Variants in GLG1 observed in about 807,000 individuals in gnomAD.
GLG1 encodes the protein Golgi apparatus protein 1.
A neutral mutation model predicts 160.5 loss-of-function variants in GLG1; 38 were observed. The ratio of observed to expected loss-of-function variants is 0.24; its 90% confidence interval spans 0.18 to 0.31. The LOEUF (loss-of-function observed/expected upper bound fraction) is 0.31. Among genes scored for constraint, GLG1 ranks in the 10% least tolerant of loss-of-function variants. The pLI is 1.00. For synonymous variants in GLG1, 644 were observed against 543.4 expected (o/e 1.19, Z -2.57); for missense variants, 1,373 against 1,505.2 (o/e 0.91, Z 1.45).
rs77131022 is a variant in GLG1 at position 74,601,016 on chromosome 16, G to C, written c.438+5641C>G. 7.7e-3 allele frequency among the ~76,000 whole-genome samples: 1,171 copies of C among 152,196 alleles called. 19 individuals are homozygous for C. Among genetic ancestry groups the C allele is most frequent in the African/African-American group, 0.027 (1,126 of 41,524 alleles). ...TATAATAGAAGATCAATAATGACTT[G>C]ATTATGTGGTTAGATTGCTTCCAAC... On this transcript the variant is annotated intron_variant, in intron 1 of 25. Transcript: ENST00000422840.
Position 74,462,169 on chromosome 16 carries a change from C to G in GLG1, c.2961G>C (p.Gln987His). Residue 987 changes from glutamine to histidine, a missense_variant, in exon 22 of 26, where the codon CAG becomes CAC. Physicochemically the swap from Gln to His is conservative, Grantham distance 24. Transcript: ENST00000422840. ...CGGACTCCTGGATAATGATTCGGAT[C>G]TGGTCTTCACAGTCTGAAGACAGGC... ...DQRLSSDCEDQIRIIIQESAL... is the reference protein window; with the variant it reads ...DQRLSSDCEDHIRIIIQESAL... 1 of 1,605,538 alleles carries G rather than the reference C, an allele frequency of 6.2e-7. No individual in the cohort carries two copies. The highest frequency in any genetic ancestry group is 1.7e-4 in the Middle Eastern group (1 of 6,050).
At chr16:74,538,858 G>C (rs1401448551) in intron 1 of GLG1, among the ~76,000 whole-genome samples, 3 of 149,646 alleles carry the variant, frequency 2.0e-5, no homozygotes, top group Non-Finnish European at 4.4e-5. Flanking sequence ...TTTTAAAGAA[G>C]GAAAAAAGCA....
intron 1 of GLG1, among the ~76,000 whole-genome samples, chr16:74,605,950 G>A (rs1044687438): frequency 1.3e-5 from 2 of 152,074 alleles, no homozygotes; most frequent in Non-Finnish European, 2.9e-5. Flanking sequence ...TCACTCAACT[G>A]AATCACACCA....
intron 1 of GLG1, among the ~76,000 whole-genome samples, chr16:74,579,594 C>A (rs542563428): frequency 1.3e-5 from 2 of 151,904 alleles, no homozygotes; most frequent in African/African-American, 4.8e-5. Context: ...TAGTGGCACA[C>A]ACCTGTAGTC....
At chr16:74,562,900 A>G (rs2018547842) in intron 1 of GLG1, among the ~76,000 whole-genome samples, 1 of 152,180 alleles carries the variant, frequency 6.6e-6, no homozygotes, top group Non-Finnish European at 1.5e-5. Context: ...CAATGAAGCA[A>G]AACTCTGGGG....
intron 7 of GLG1, among the ~76,000 whole-genome samples, chr16:74,492,716 G>A (rs1232265288): frequency 1.3e-5 from 2 of 151,898 alleles, no homozygotes; most frequent in African/African-American, 4.8e-5. Flanking sequence ...CTACTTGGGA[G>A]GCTGAGGCAG....
intron 2 of GLG1, among the ~76,000 whole-genome samples, chr16:74,526,129 C>T (rs1251546564): frequency 6.6e-6 from 1 of 152,146 alleles, no homozygotes; most frequent in African/African-American, 2.4e-5. Flanking sequence ...ATATAAGTAA[C>T]AAACAGTTTT....
intron 2 of GLG1, among the ~76,000 whole-genome samples, chr16:74,510,803 G>T (rs1173523193): frequency 1.3e-5 from 2 of 152,190 alleles, no homozygotes; most frequent in African/African-American, 2.4e-5. Context: ...ACAGTCAATG[G>T]CAGGGAGTAT....
rs958097184 is a variant in GLG1, at chr16:74,450,964, T to C, written c.*2203A>G. Reference sequence around the variant, plus strand: ...AGAAAGAACAGAAATATCAACACAATTAGAACTATAAGGGTGTTTACGCAT... The same window carrying C: ...AGAAAGAACAGAAATATCAACACAACTAGAACTATAAGGGTGTTTACGCAT... On this transcript the variant is annotated 3_prime_UTR_variant, in exon 26 of 26. Coordinates refer to ENST00000422840, the MANE Select transcript of GLG1 (RefSeq NM_001145667.2). 1 of 151,902 alleles carries C rather than the reference T, an allele frequency of 6.6e-6. No homozygotes were observed. Among genetic ancestry groups the C allele is most frequent in the Non-Finnish European group, 1.5e-5 (1 of 67,994 alleles). The allele number at this position is 151,902 out of a possible 1,614,324, so 9.4% of individuals were successfully genotyped here.
intron 1 of GLG1, among the ~76,000 whole-genome samples, chr16:74,569,221 C>T (rs1032159741): frequency 4.5e-4 from 69 of 152,296 alleles, no homozygotes; most frequent in Non-Finnish European, 7.2e-4. Context: ...CAGAAAACCT[C>T]GAACTGTGAG....
chr16:74,466,882 G>C (rs1027354442), intron 18 of GLG1, among the ~76,000 whole-genome samples: 1 of 152,190 alleles, frequency 6.6e-6, no homozygotes, highest in Non-Finnish European at 1.5e-5. Flanking sequence ...AAGAGACATG[G>C]AAGACGGACT....
At position 74,479,120 on chromosome 16, in the gene GLG1, G is replaced by C. The variant is rs372060327; in HGVS notation, c.1827+1121C>G. 4.5e-5 allele frequency among the ~76,000 whole-genome samples: 6 copies of C among 134,038 alleles called. No individual in the cohort carries two copies. In the Admixed American group the frequency reaches 5.0e-4, roughly 11 times the overall value. 87.9% of individuals were successfully genotyped at this position (134,038 alleles called of 152,430 possible). ...GGCACCCGTAATCCCAGCTACTCGG[G>C]AGGCTGAGGCAGGAGAATCACTTGA... On this transcript the variant is annotated intron_variant, in intron 11 of 25. Transcript: ENST00000422840.
Position 74,474,600 on chromosome 16 carries a change from G to C in GLG1, c.1998C>G (p.Asp666Glu), listed in dbSNP as rs752787942. ...CTATATCTCTACACTCCACCACCAAGTCATCCAGATGGTCCTGAAGGCACT... is the reference window on the plus strand; with the variant it reads ...CTATATCTCTACACTCCACCACCAACTCATCCAGATGGTCCTGAAGGCACT... ...ELECLQDHLDDLVVECRDIVG... is the reference protein window; with the variant it reads ...ELECLQDHLDELVVECRDIVG... Residue 666 changes from aspartate to glutamate, a missense_variant, in exon 13 of 26, where the codon GAC (aspartate) becomes GAG (glutamate). By Grantham distance (45) the Asp-to-Glu change is conservative. This residue lies in a region of GLG1 where 386 missense variants were observed against 388.5 expected (regional missense o/e 0.99). Coordinates refer to ENST00000422840, the MANE Select transcript of GLG1 (RefSeq NM_001145667.2). The C allele has an allele frequency of 1.1e-5, 17 of 1,585,674 alleles. No individual in the cohort carries two copies. In the South Asian group the frequency reaches 1.3e-4, roughly 12 times the overall value.
At chr16:74,550,018 G>A (rs2143692806) in intron 1 of GLG1, among the ~76,000 whole-genome samples, 1 of 152,388 alleles carries the variant, frequency 6.6e-6, no homozygotes, top group Non-Finnish European at 1.5e-5. Flanking sequence ...TTGGGAGGTT[G>A]AGAGGACAAG....
At chr16:74,570,568 C>G (rs1307945294) in intron 1 of GLG1, among the ~76,000 whole-genome samples, 1 of 152,078 alleles carries the variant, frequency 6.6e-6, no homozygotes, top group African/African-American at 2.4e-5. Context: ...AAAGCACAGC[C>G]CTTTGAATGT....
At chr16:74,470,512 G>A (rs1464102563) in intron 15 of GLG1, among the ~76,000 whole-genome samples, 3 of 143,004 alleles carry the variant, frequency 2.1e-5, no homozygotes, top group Non-Finnish European at 3.0e-5. Flanking sequence ...GCAGTTGTGC[G>A]ATCTCGGCTC....
chr16:74,494,835 TA>T lies in GLG1; in HGVS notation c.979-5del. 7.1e-7 allele frequency: 1 copy of T among 1,410,126 alleles called. No homozygotes were observed. Among genetic ancestry groups the T allele is most frequent in the Non-Finnish European group, 1.0e-6 (1 of 994,120 alleles). The allele number at this position is 1,410,126 out of a possible 1,614,324, so 87.4% of individuals were successfully genotyped here. ...CTCTGCCCTCACCAGCTTGTGTCTA[TA>T]AGATGGAACATACACATTATTATTA... is the stretch of plus-strand genomic sequence containing the variant. On this transcript the variant is annotated splice_region_variant and splice_polypyrimidine_tract_variant and intron_variant, in intron 5 of 25. Coordinates refer to ENST00000422840, the MANE Select transcript of GLG1 (RefSeq NM_001145667.2).
At chr16:74,569,905 G>A (rs892794515) in intron 1 of GLG1, among the ~76,000 whole-genome samples, 31 of 149,954 alleles carry the variant, frequency 2.1e-4, no homozygotes, top group African/African-American at 5.6e-4. Context: ...GGTTTTGGCC[G>A]GGCGCAATGG....
At chr16:74,578,227 G>C (rs1957858934) in intron 1 of GLG1, among the ~76,000 whole-genome samples, 1 of 152,126 alleles carries the variant, frequency 6.6e-6, no homozygotes, top group South Asian at 2.1e-4. Context: ...AAACAAGAAG[G>C]AAATGGACGA....
Sources: allele counts gnomAD v4.1 joint callset (sites outside exome capture counted in the v4.1 genomes callset), GRCh38; gene constraint gnomAD v4.1.1; regional missense constraint gnomAD v4.1.1; transcripts MANE v1.5; gene names NCBI Gene and HGNC (gene_info 2026-07-23, HGNC 2026-07-21).